DPP10: variants seen among roughly 807,000 people sequenced by gnomAD.
DPP10 encodes dipeptidyl peptidase like 10, also known as inactive dipeptidyl peptidase 10.
A neutral mutation model predicts 120.9 loss-of-function variants in DPP10; 33 were observed. The ratio of observed to expected loss-of-function variants is 0.27; its 90% confidence interval spans 0.21 to 0.37. The LOEUF is 0.37. DPP10 is among the 10% of genes least tolerant of loss of function. The probability of loss-of-function intolerance (pLI) is 1.00; values close to 1 mark genes in which losing one functional copy is unlikely to be tolerated. For synonymous variants in DPP10, 337 were observed against 326.1 expected (o/e 1.03, Z -0.36); for missense variants, 816 against 942.8 (o/e 0.87, Z 1.76).
At chr2:114,798,556 G>A (rs1683909581) in intron 1 of DPP10, among the ~76,000 whole-genome samples, 1 of 152,140 alleles carries the variant, frequency 6.6e-6, no homozygotes, top group Non-Finnish European at 1.5e-5. Flanking sequence ...ACTGAAGGCT[G>A]CACATCTTAT....
At chr2:114,633,069 G>C (rs898350518) in intron 1 of DPP10, among the ~76,000 whole-genome samples, 1 of 151,502 alleles carries the variant, frequency 6.6e-6, no homozygotes, top group Non-Finnish European at 1.5e-5. Context: ...AACAAAATCT[G>C]GGTGCTAGAT....
chr2:115,273,031 T>G (rs1299028970), intron 1 of DPP10, among the ~76,000 whole-genome samples: 1 of 152,118 alleles, frequency 6.6e-6, no homozygotes, highest in African/African-American at 2.4e-5. Context: ...AAAACTTTTT[T>G]TTTTTGAATT....
intron 3 of DPP10, among the ~76,000 whole-genome samples, chr2:115,457,784 C>T (rs1264809305): frequency 6.6e-6 from 1 of 152,070 alleles, no homozygotes; most frequent in Non-Finnish European, 1.5e-5. Context: ...GTACTTATTA[C>T]ATAACCCAGT....
chr2:115,407,895 T>C (rs1315906718), intron 3 of DPP10, among the ~76,000 whole-genome samples: 2 of 151,976 alleles, frequency 1.3e-5, no homozygotes, highest in African/African-American at 4.8e-5. Flanking sequence ...TCATTTTTTT[T>C]CAAAGGATTC....
intron 19 of DPP10, among the ~76,000 whole-genome samples, chr2:115,796,438 A>G (rs889718981): frequency 8.5e-5 from 13 of 152,186 alleles, no homozygotes; most frequent in Middle Eastern, 3.2e-3. Context: ...ATATGAATAC[A>G]TCAATGAATA....
chr2:114,768,305 A>T (rs1558721599), intron 1 of DPP10, among the ~76,000 whole-genome samples: 1 of 152,168 alleles, frequency 6.6e-6, no homozygotes, highest in Non-Finnish European at 1.5e-5. Context: ...GAAAAATGAG[A>T]TTCCCAGGAT....
intron 7 of DPP10, among the ~76,000 whole-genome samples, chr2:115,702,448 C>G (rs1490360944): frequency 6.6e-6 from 1 of 151,996 alleles, no homozygotes; most frequent in Non-Finnish European, 1.5e-5. Context: ...TGTCTGCCAA[C>G]AAATGAATGG....
chr2:115,301,590 G>A (rs554956329), intron 1 of DPP10, among the ~76,000 whole-genome samples: 12 of 151,558 alleles, frequency 7.9e-5, no homozygotes, highest in Middle Eastern at 6.8e-3. Flanking sequence ...CATTCACTTG[G>A]TTGGAAAGCA....
intron 1 of DPP10, among the ~76,000 whole-genome samples, chr2:114,582,461 C>A (rs1270309812): frequency 1.3e-5 from 2 of 152,150 alleles, no homozygotes; most frequent in African/African-American, 4.8e-5. Flanking sequence ...TGCCAAGGAA[C>A]TGGATGGCTG....
At chr2:115,557,164 CCTCT>C (rs1240502589) in intron 5 of DPP10, among the ~76,000 whole-genome samples, 1 of 151,446 alleles carries the variant, frequency 6.6e-6, no homozygotes, top group Non-Finnish European at 1.5e-5. Flanking sequence ...TCTCTCTCTC[CCTCT>C]CTCTCTCTGT....
chr2:115,185,234 GT>G, intron 1 of DPP10, among the ~76,000 whole-genome samples: 1 of 101,650 alleles, frequency 9.8e-6, no homozygotes, highest in Non-Finnish European at 2.1e-5. Context: ...GTTAGAGAAG[GT>G]TTTTTGTTTC....
chr2:115,295,596 T>C (rs1224166241), intron 1 of DPP10, among the ~76,000 whole-genome samples: 1 of 152,116 alleles, frequency 6.6e-6, no homozygotes, highest in African/African-American at 2.4e-5. Context: ...GTTCTTTCTT[T>C]CCTTTTTAAA....
intron 3 of DPP10, among the ~76,000 whole-genome samples, chr2:115,463,611 T>C (rs843430): frequency 1 from 152,025 of 152,312 alleles, 75,872 homozygotes; most frequent in Non-Finnish European, 1. Flanking sequence ...TTTTCTTTAA[T>C]GGATTTGGTC....
chr2:114,964,608 C>T (rs915376520), intron 1 of DPP10, among the ~76,000 whole-genome samples: 7 of 151,908 alleles, frequency 4.6e-5, no homozygotes, highest in African/African-American at 1.7e-4. Context: ...ATCGCAAAGG[C>T]CATGAGGTGG....
At chr2:115,351,649 G>GT (rs1370510016) in intron 3 of DPP10, among the ~76,000 whole-genome samples, 1 of 152,026 alleles carries the variant, frequency 6.6e-6, no homozygotes, top group Non-Finnish European at 1.5e-5. Flanking sequence ...GTAAATCATG[G>GT]TTATCAAGGC....
chr2:114,943,969 A>G (rs1290373389), intron 1 of DPP10, among the ~76,000 whole-genome samples: 1 of 152,206 alleles, frequency 6.6e-6, no homozygotes, highest in Non-Finnish European at 1.5e-5. Context: ...ATGGCTGCAC[A>G]GTGTCCCATT....
intron 1 of DPP10, among the ~76,000 whole-genome samples, chr2:115,041,757 T>C (rs918400192): frequency 2.0e-5 from 3 of 152,186 alleles, no homozygotes; most frequent in Non-Finnish European, 4.4e-5. Flanking sequence ...TCCAGATACC[T>C]GGAAATCTCT....
intron 1 of DPP10, among the ~76,000 whole-genome samples, chr2:114,919,736 T>G (rs2106636269): frequency 6.6e-6 from 1 of 152,324 alleles, no homozygotes; most frequent in Middle Eastern, 3.4e-3. Context: ...AATCAACTAT[T>G]ATTCTGATAG....
intron 1 of DPP10, among the ~76,000 whole-genome samples, chr2:114,797,843 C>G (rs905132271): frequency 1.3e-5 from 2 of 152,052 alleles, no homozygotes; most frequent in Admixed American, 1.3e-4. Flanking sequence ...CTTAGTGACT[C>G]GTTGTCAAAG....
Sources: allele counts gnomAD v4.1 joint callset (sites outside exome capture counted in the v4.1 genomes callset), GRCh38; gene constraint gnomAD v4.1.1; transcripts MANE v1.5; gene names NCBI Gene and HGNC (gene_info 2026-07-23, HGNC 2026-07-21).